CRISP1: variants seen among roughly 807,000 people sequenced by gnomAD.
CRISP1 encodes the protein cysteine rich secretory protein 1.
A neutral mutation model predicts 33.1 loss-of-function variants in CRISP1; 44 were observed. That is an observed-to-expected ratio of 1.33 (90% CI 1.05 to 1.71). CRISP1 has a LOEUF of 1.71. Among genes scored for constraint, CRISP1 ranks in the 40% most tolerant of loss-of-function variants. CRISP1 has a pLI of 0.00. For synonymous variants in CRISP1, 103 were observed against 98.7 expected (o/e 1.04, Z -0.26); for missense variants, 390 against 301.2 (o/e 1.29, Z -2.18).
chr6:49,839,370 G>T (rs1770911500), intron 6 of CRISP1, among the ~76,000 whole-genome samples: 1 of 151,526 alleles, frequency 6.6e-6, no homozygotes, highest in African/African-American at 2.4e-5. Context: ...AGGATAGCTG[G>T]AGCCCAGAAG....
chr6:49,844,377 C>T (rs1022994462), intron 5 of CRISP1, among the ~76,000 whole-genome samples: 3 of 152,124 alleles, frequency 2.0e-5, no homozygotes, highest in African/African-American at 7.2e-5. Flanking sequence ...TCACTTCAAA[C>T]ATGCTTTATC....
chr6:49,857,531 A>G (rs530752423), intron 1 of CRISP1, 129 bp from the exon 2 acceptor site: 1 of 751,794 alleles, frequency 1.3e-6, no homozygotes, highest in Non-Finnish European at 2.2e-6. Context: ...GGATCCGAAC[A>G]AGGTTTAATG....
intron 2 of CRISP1, among the ~76,000 whole-genome samples, chr6:49,854,129 C>T (rs1264935901): frequency 1.3e-5 from 2 of 152,142 alleles, no homozygotes; most frequent in Admixed American, 1.3e-4. Context: ...GCTGCTTCAA[C>T]TGTCTCACCC....
In CRISP1 at chr6:49,846,561, T is replaced by A. The variant is rs757769692; in HGVS notation, c.394A>T (p.Thr132Ser). 4 of 1,613,630 alleles carry A rather than the reference T, an allele frequency of 2.5e-6. No individual in the cohort carries two copies. Among genetic ancestry groups the A allele is most frequent in the Middle Eastern group, 1.7e-4 (1 of 6,058 alleles). ...ESTSFKHGEW[T>S]TTDDDITTDH... is the part of the protein sequence containing the mutation. ...GTAGTTATGTCATCATCCGTTGTTG[T>A]CCATTCTCCATGTTTGAAACTTGTA... Residue 132 changes from threonine to serine, a missense_variant, in exon 5 of 8, where the codon ACA (threonine) becomes TCA (serine). Physicochemically the swap from Thr to Ser is moderately conservative, Grantham distance 58. Transcript: ENST00000335847.
intron 3 of CRISP1, among the ~76,000 whole-genome samples, chr6:49,849,898 G>A (rs1200675491): frequency 6.6e-6 from 1 of 151,958 alleles, no homozygotes. Context: ...AAATATTTTA[G>A]TCATGGCTAT....
At chr6:49,872,771 G>A (rs1410616058) in intron 1 of CRISP1, among the ~76,000 whole-genome samples, 1 of 152,014 alleles carries the variant, frequency 6.6e-6, no homozygotes, top group Non-Finnish European at 1.5e-5. Context: ...TCTCTTTTTT[G>A]GTACAAGTAT....
intron 3 of CRISP1, among the ~76,000 whole-genome samples, chr6:49,849,890 AT>A (rs1004235882): frequency 2.2e-4 from 33 of 152,150 alleles, no homozygotes; most frequent in Admixed American, 2.6e-4. Flanking sequence ...ACAAAAAAAA[AT>A]ATTTTAGTCA....
At chr6:49,870,301 G>A (rs960291205), upstream of CRISP1, among the ~76,000 whole-genome samples, 3 of 152,170 alleles carry the variant, frequency 2.0e-5, no homozygotes, top group African/African-American at 7.2e-5. Context: ...GGGTAATTGA[G>A]GGAGAGTTTA....
At chr6:49,855,300 C>T (rs944011883) in intron 2 of CRISP1, among the ~76,000 whole-genome samples, 1 of 152,106 alleles carries the variant, frequency 6.6e-6, no homozygotes, top group African/African-American at 2.4e-5. Context: ...AATTTTAAAA[C>T]ACAGACACAA....
intron 7 of CRISP1, among the ~76,000 whole-genome samples, chr6:49,835,681 C>G (rs1206619386): frequency 5.3e-5 from 8 of 152,074 alleles, no homozygotes; most frequent in Admixed American, 5.2e-4. Flanking sequence ...TTTTTTAAGT[C>G]CAATATAAAC....
At chr6:49,869,353 A>G (rs187824299), upstream of CRISP1, among the ~76,000 whole-genome samples, 1 of 152,172 alleles carries the variant, frequency 6.6e-6, no homozygotes, top group Admixed American at 6.5e-5. Context: ...ACAGTCACCT[A>G]CCCCTGAGCA....
At position 49,866,414 on chromosome 6, in the gene CRISP1, T is replaced by C. The variant is rs937732646; in HGVS notation, c.-3+15A>G. On this transcript the variant is annotated intron_variant, in intron 1 of 7. Coordinates refer to ENST00000335847, the MANE Select transcript of CRISP1 (RefSeq NM_001131.3). ...TTTCAAATAAAGAAACTGACAAAGA[T>C]ATTATATAACTTACCCAAGTCCACA... 2.0e-5 allele frequency: 3 copies of C among 152,138 alleles called. No homozygotes were observed. Among genetic ancestry groups the C allele is most frequent in the African/African-American group, 7.2e-5 (3 of 41,450 alleles). 9.4% of individuals were successfully genotyped at this position (152,138 alleles called of 1,614,324 possible). A position where few individuals can be genotyped will look rare whatever the true frequency, so the allele number is the denominator to read the frequency against.
At chr6:49,856,767 A>G (rs572741535) in intron 2 of CRISP1, among the ~76,000 whole-genome samples, 1 of 152,254 alleles carries the variant, frequency 6.6e-6, no homozygotes, top group Admixed American at 6.5e-5. Context: ...TTATTGGCTG[A>G]TCATAAAATA....
intron 1 of CRISP1, among the ~76,000 whole-genome samples, chr6:49,875,968 A>G (rs956075740): frequency 6.6e-5 from 10 of 152,182 alleles, no homozygotes; most frequent in African/African-American, 2.4e-4. Context: ...AGGCAACACC[A>G]TTCTAGCCAT....
chr6:49,847,686 G>A (rs962699530), intron 4 of CRISP1, among the ~76,000 whole-genome samples: 7 of 107,028 alleles, frequency 6.5e-5, no homozygotes, highest in African/African-American at 2.5e-4. Flanking sequence ...TAACACAGAA[G>A]CAATAATGTT....
intron 5 of CRISP1, among the ~76,000 whole-genome samples, chr6:49,844,411 T>G (rs1258471702): frequency 6.6e-6 from 1 of 152,128 alleles, no homozygotes; most frequent in Non-Finnish European, 1.5e-5. Context: ...GAAGAATGAC[T>G]CCCCAAATGT....
Position 49,835,100 on chromosome 6 carries a change from A to C in CRISP1, c.*216T>G, listed in dbSNP as rs1000535351. The C allele has an allele frequency of 2.4e-6, 1 of 419,628 alleles. No homozygotes were observed. The highest frequency in any genetic ancestry group is 4.2e-6 in the Non-Finnish European group (1 of 238,764). 26.0% of individuals were successfully genotyped at this position (419,628 alleles called of 1,614,324 possible). A position where few individuals can be genotyped will look rare whatever the true frequency, so the allele number is the denominator to read the frequency against. On this transcript the variant is annotated 3_prime_UTR_variant, in exon 8 of 8. Coordinates refer to ENST00000335847, the MANE Select transcript of CRISP1 (RefSeq NM_001131.3). The stretch of plus-strand genomic sequence containing the variant: ...AAAAACTATAAATCACATGATTTAA[A>C]TTTAAGGCAGGTGTTGGACTTGACC...
intron 1 of CRISP1, among the ~76,000 whole-genome samples, chr6:49,857,959 A>G (rs1233026538): frequency 2.0e-5 from 3 of 152,196 alleles, no homozygotes; most frequent in African/African-American, 7.2e-5. Context: ...ATTTTAGCCT[A>G]GGAAGACCTA....
chr6:49,835,322 T>G lies in CRISP1; in HGVS notation c.744A>C (p.Ile248=), dbSNP rs771756325. ...CKATCLCDTE[I]K ...AGTTGAAAATAACAAAGACCTATTT[T>G]ATCTCAGTGTCACACAGACAAGTGG... The change falls in exon 8 of 8, where the codon ATA becomes ATC. Residue 248 remains isoleucine, a synonymous_variant. Transcript: ENST00000335847. 5 of 1,613,620 alleles carry G rather than the reference T, an allele frequency of 3.1e-6. No homozygotes were observed. The highest frequency in any genetic ancestry group is 4.2e-6 in the Non-Finnish European group (5 of 1,179,760).
Sources: gnomAD v4.1 joint callset for allele counts (sites outside exome capture counted in the v4.1 genomes callset) on GRCh38, gnomAD v4.1.1 for gene constraint, MANE v1.5 for transcripts, NCBI Gene and HGNC (gene_info 2026-07-23, HGNC 2026-07-21) for gene names.